The following NLRC5 variants were observed in gnomAD, a reference collection of about 807,000 sequenced individuals.
The protein encoded by NLRC5 is protein NLRC5.
NLRC5 carries 114 observed loss-of-function variants against 206.9 expected under a neutral mutation model. The observed-to-expected ratio is 0.55, with a 90% CI of 0.47 to 0.64. NLRC5 has a LOEUF of 0.64. Ranked by LOEUF, NLRC5 falls within the 30% of genes least tolerant of loss-of-function variation. The pLI, the probability that NLRC5 is intolerant of heterozygous loss-of-function variation, is 0.00. For synonymous variants in NLRC5, 952 were observed against 962.8 expected (o/e 0.99, Z 0.21); for missense variants, 2,008 against 2,305.5 (o/e 0.87, Z 2.64).
chr16:56,990,078 C>G (rs2056621100), intron 1 of NLRC5, among the ~76,000 whole-genome samples: 1 of 152,174 alleles, frequency 6.6e-6, no homozygotes, highest in Non-Finnish European at 1.5e-5. Flanking sequence ...AAATTCCAAA[C>G]ATATACAATA....
intron 33 of NLRC5, 67 bp downstream of exon 33, chr16:57,065,365 C>A (rs1473994095): frequency 2.6e-6 from 3 of 1,157,794 alleles, no homozygotes; most frequent in East Asian, 2.9e-5. Flanking sequence ...TTTTCCTTGA[C>A]CTTCCCTCAT....
At chr16:57,031,970 C>A (rs1268336918) in intron 11 of NLRC5, among the ~76,000 whole-genome samples, 1 of 151,948 alleles carries the variant, frequency 6.6e-6, no homozygotes, top group African/African-American at 2.4e-5. Flanking sequence ...AAGGGAGCTG[C>A]TTTTCCCTAA....
intron 32 of NLRC5, chr16:57,062,595 T>C (rs1428688522): frequency 6.4e-6 from 1 of 156,010 alleles, no homozygotes; most frequent in Admixed American, 6.4e-5. Context: ...ACCCCGACTT[T>C]CCTGGAAACT....
Position 57,016,076 on chromosome 16 carries a change from G to A in NLRC5, c.-127-998G>A, listed in dbSNP as rs370858788. Among the ~76,000 whole-genome samples, 10 of 152,066 alleles carry A rather than the reference G, an allele frequency of 6.6e-5. No individual in the cohort carries two copies. In the East Asian group the frequency reaches 1.9e-3, roughly 29 times the overall value. ...CTAAAAATACTAGAATTAGCCAGAC[G>A]TGGTGGCACATGCCTGTAATCCCAG... On this transcript the variant is annotated intron_variant, in intron 1 of 48. Coordinates refer to ENST00000688547, the MANE Select transcript of NLRC5 (RefSeq NM_001384950.1).
chr16:57,029,723 C>A (rs770514436), intron 8 of NLRC5, 50 bp from the exon 9 acceptor site: 9 of 1,523,134 alleles, frequency 5.9e-6, no homozygotes, highest in Non-Finnish European at 6.4e-6. Flanking sequence ...CTGGGGCTTG[C>A]AAGTGCCCCA....
intron 1 of NLRC5, among the ~76,000 whole-genome samples, chr16:56,999,673 G>C (rs1182934933): frequency 6.6e-6 from 1 of 152,274 alleles, no homozygotes; most frequent in Non-Finnish European, 1.5e-5. Context: ...TGAGGAAGGT[G>C]CTCTGCCCTG....
chr16:57,033,887 T>C (rs542744819), intron 12 of NLRC5, among the ~76,000 whole-genome samples: 1 of 152,358 alleles, frequency 6.6e-6, no homozygotes, highest in South Asian at 2.1e-4. Flanking sequence ...ACCGGCTATC[T>C]ATATGCCGGG....
At position 57,070,648 on chromosome 16, in the gene NLRC5, G is replaced by A. The variant is rs145311486; in HGVS notation, c.4667+30G>A. On this transcript the variant is annotated intron_variant, in intron 38 of 48. Coordinates refer to ENST00000688547, the MANE Select transcript of NLRC5 (RefSeq NM_001384950.1). Reference sequence around the variant, plus strand: ...GTAGTGATGGTGGTTGTGGGTGAGTGAGTGGTGGGGGTGGTTAATGGATGG... The same window carrying A: ...GTAGTGATGGTGGTTGTGGGTGAGTAAGTGGTGGGGGTGGTTAATGGATGG... 2.1e-3 allele frequency: 3,388 copies of A among 1,580,980 alleles called. 60 individuals carry two copies. The African/African-American group carries it at 0.046, about 21-fold the overall frequency.
rs749330765 is a variant in NLRC5, at chr16:57,067,799, G to A, written c.4470G>A (p.Leu1490=). 6.8e-5 allele frequency: 109 copies of A among 1,614,050 alleles called. No homozygotes were observed. The highest frequency in any genetic ancestry group is 7.6e-6 in the Non-Finnish European group (9 of 1,179,996). ...GTTCCCTGCTGCTGCAGAGCCTCCT[G>A]CTGTCCCTCTCTGAGCTGAAGACAT... ...DASSLLLQSL[L]LSLSELKTFR... is the part of the protein sequence containing the mutation. Residue 1490 remains leucine, a synonymous_variant, in exon 36 of 49, where the codon CTG becomes CTA. Transcript: ENST00000688547.
At chr16:57,073,775 G>A (rs2068047372) in intron 38 of NLRC5, among the ~76,000 whole-genome samples, 1 of 152,150 alleles carries the variant, frequency 6.6e-6, no homozygotes, top group Non-Finnish European at 1.5e-5. Flanking sequence ...TCTATTTTTA[G>A]TGGAGATGGG....
At chr16:57,013,174 C>T in intron 1 of NLRC5, 2 of 367,462 alleles carry the variant, frequency 5.4e-6, no homozygotes, top group South Asian at 2.7e-5. Context: ...AAGTCCTTTA[C>T]CAAAGGGATT....
At position 57,038,029 on chromosome 16, in the gene NLRC5, A is replaced by C. The variant is rs188771257; in HGVS notation, c.2801+745A>C. On this transcript the variant is annotated intron_variant, in intron 15 of 48. Transcript: ENST00000688547. ...AGCGATGCCCTGTTCACTTCCAGGAACTTATACTAAATAAATTATCACGAT... is the reference window on the plus strand; with the variant it reads ...AGCGATGCCCTGTTCACTTCCAGGACCTTATACTAAATAAATTATCACGAT... 4.5e-3 allele frequency among the ~76,000 whole-genome samples: 691 copies of C among 152,306 alleles called. 5 individuals are homozygous for C. The highest frequency in any genetic ancestry group is 0.022 in the South Asian group (104 of 4,828).
chr16:57,034,019 T>C, intron 12 of NLRC5, 149 bp from the exon 13 acceptor site: 1 of 637,498 alleles, frequency 1.6e-6, no homozygotes. Flanking sequence ...GTTAAGTCCC[T>C]TGCTCAAGAT....
chr16:57,053,317 T>A (rs902206273), intron 24 of NLRC5, among the ~76,000 whole-genome samples: 1 of 151,946 alleles, frequency 6.6e-6, no homozygotes. Context: ...GGGAACGGCA[T>A]GTGTGAGGCC....
chr16:57,020,399 C>T (rs1298623415), intron 2 of NLRC5, among the ~76,000 whole-genome samples: 1 of 146,344 alleles, frequency 6.8e-6, no homozygotes, highest in Non-Finnish European at 1.5e-5. Flanking sequence ...TCACCTGTCC[C>T]CCAGTTCATC....
At chr16:57,006,852 C>T (rs1252528417) in intron 1 of NLRC5, among the ~76,000 whole-genome samples, 1 of 150,548 alleles carries the variant, frequency 6.6e-6, no homozygotes, top group Non-Finnish European at 1.5e-5. Flanking sequence ...TATTTGTATA[C>T]ACATTTTTTG....
intron 1 of NLRC5, among the ~76,000 whole-genome samples, chr16:56,994,104 C>T (rs998916360): frequency 6.7e-6 from 1 of 149,374 alleles, no homozygotes; most frequent in African/African-American, 2.5e-5. Flanking sequence ...AAATGGCCAA[C>T]AGGGACCAGG....
intron 34 of NLRC5, 148 bp from the exon 35 acceptor site, chr16:57,067,239 G>A (rs2067172084): frequency 2.9e-6 from 2 of 697,816 alleles, no homozygotes; most frequent in East Asian, 2.6e-5. Context: ...CTGCTTCCTA[G>A]CACTTCTCAT....
intron 24 of NLRC5, chr16:57,052,702 T>G (rs2065088088): frequency 6.6e-6 from 1 of 151,994 alleles, no homozygotes; most frequent in Non-Finnish European, 1.5e-5. Flanking sequence ...GGGTTTTATC[T>G]GGGAGGGAGG....
Sources: gnomAD v4.1 joint callset for allele counts (sites outside exome capture counted in the v4.1 genomes callset) on GRCh38, gnomAD v4.1.1 for gene constraint, MANE v1.5 for transcripts, NCBI Gene and HGNC (gene_info 2026-07-23, HGNC 2026-07-21) for gene names.